Variants in AP5M1 observed in about 807,000 individuals in gnomAD.
The protein encoded by AP5M1 is adaptor related protein complex 5 subunit mu 1, also known as AP-5 complex subunit mu-1.
AP5M1 carries 44 observed loss-of-function variants against 52.3 expected under a neutral mutation model. The observed-to-expected ratio is 0.84, with a 90% CI of 0.66 to 1.08. The LOEUF (loss-of-function observed/expected upper bound fraction) is 1.08, where lower values mean the gene tolerates loss of function less well. AP5M1 is among the 50% of genes least tolerant of loss of function. AP5M1 has a pLI of 0.00. For synonymous variants in AP5M1, 213 were observed against 199.0 expected (o/e 1.07, Z -0.59); for missense variants, 526 against 568.4 (o/e 0.93, Z 0.76).
In AP5M1 at chr14:57,278,087, G is replaced by A. The variant is rs530414914; in HGVS notation, c.721-2108G>A. On this transcript the variant is annotated intron_variant, in intron 2 of 7. Coordinates refer to ENST00000261558, the MANE Select transcript of AP5M1 (RefSeq NM_018229.4). ...GTTTGATCCAGGCTTTAATAGAGGT[G>A]AATTTCAAGATAGAGGTACAAAGAC... 4.6e-5 allele frequency among the ~76,000 whole-genome samples: 7 copies of A among 152,184 alleles called. No individual in the cohort carries two copies. The South Asian group carries it at 1.5e-3, about 32-fold the overall frequency.
At chr14:57,275,573 A>G (rs1885014588) in intron 2 of AP5M1, 1 of 152,552 alleles carries the variant, frequency 6.6e-6, no homozygotes, top group Admixed American at 6.5e-5. Context: ...GAAGCAAGTC[A>G]CTAAGTGGTC....
Position 57,280,942 on chromosome 14 carries a change from CT to C in AP5M1, c.948+529del, listed in dbSNP as rs1010054740. 2.3e-3 allele frequency among the ~76,000 whole-genome samples: 347 copies of C among 150,474 alleles called. 3 individuals carry two copies. The highest frequency in any genetic ancestry group is 8.0e-3 in the African/African-American group (326 of 41,006). Reference sequence around the variant, plus strand: ...GTAAATAGCTTTCAAAATAATTGAACTTTTTTTTTAATATTCCCTAAAAAGG... The same window carrying C: ...GTAAATAGCTTTCAAAATAATTGAACTTTTTTTTAATATTCCCTAAAAAGG... On this transcript the variant is annotated intron_variant, in intron 3 of 7. Coordinates refer to ENST00000261558, the MANE Select transcript of AP5M1 (RefSeq NM_018229.4).
intron 7 of AP5M1, among the ~76,000 whole-genome samples, chr14:57,286,892 C>G (rs1885320605): frequency 1.3e-5 from 2 of 151,784 alleles, no homozygotes; most frequent in Admixed American, 1.3e-4. Flanking sequence ...TATTTAGCAC[C>G]TTCTCTATTC....
At position 57,280,391 on chromosome 14, in the gene AP5M1, A is replaced by G. The variant is rs1235781741; in HGVS notation, c.917A>G (p.Glu306Gly). 1.9e-6 allele frequency: 3 copies of G among 1,613,398 alleles called. No individual in the cohort carries two copies. The highest frequency in any genetic ancestry group is 2.5e-6 in the Non-Finnish European group (3 of 1,179,412). Residue 306 changes from glutamate (E) to glycine (G), a missense_variant, in exon 3 of 8, where the codon GAG becomes GGG. Glu to Gly is a moderately conservative substitution (Grantham distance 98). Coordinates refer to ENST00000261558, the MANE Select transcript of AP5M1 (RefSeq NM_018229.4). ...AAATTTCCATTCACTCCACCTTTAGAGTCATTCAACTTATGCTTCTACACT... is the reference window on the plus strand; with the variant it reads ...AAATTTCCATTCACTCCACCTTTAGGGTCATTCAACTTATGCTTCTACACT... ...PYKFPFTPPL[E>G]SFNLCFYTSQ...
chr14:57,281,412 A>G (rs1161600258), intron 3 of AP5M1, among the ~76,000 whole-genome samples: 1 of 152,242 alleles, frequency 6.6e-6, no homozygotes, highest in Non-Finnish European at 1.5e-5. Context: ...TGAGAATGCA[A>G]TAGGCAATCT....
At position 57,290,716 on chromosome 14, in the gene AP5M1, T is replaced by A. The variant is rs1479360019; in HGVS notation, c.*1832T>A. ...GATGCCATCTGTTGCCATTCCATTC[T>A]AACATAGTGCTACAGAACTGAACCA... On this transcript the variant is annotated 3_prime_UTR_variant, in exon 8 of 8. Coordinates refer to ENST00000261558, the MANE Select transcript of AP5M1 (RefSeq NM_018229.4). 1 of 151,960 alleles carries A rather than the reference T, an allele frequency of 6.6e-6. No individual in the cohort carries two copies. Among genetic ancestry groups the A allele is most frequent in the African/African-American group, 2.4e-5 (1 of 41,428 alleles). 9.4% of individuals were successfully genotyped at this position (151,960 alleles called of 1,614,324 possible). A position where few individuals can be genotyped will look rare whatever the true frequency, so the allele number is the denominator to read the frequency against.
chr14:57,275,319 C>A (rs1344626014), intron 2 of AP5M1: 1 of 216,108 alleles, frequency 4.6e-6, no homozygotes, highest in African/African-American at 2.4e-5. Flanking sequence ...TAGTTCCTTT[C>A]CACATGGACT....
chr14:57,291,173 T>G lies in AP5M1; in HGVS notation c.*2289T>G, dbSNP rs941205827. The G allele has an allele frequency of 2.0e-5, 3 of 152,002 alleles. No homozygotes were observed. Among genetic ancestry groups the G allele is most frequent in the Non-Finnish European group, 4.4e-5 (3 of 67,916 alleles). 9.4% of individuals were successfully genotyped at this position (152,002 alleles called of 1,614,324 possible). A position where few individuals can be genotyped will look rare whatever the true frequency, so the allele number is the denominator to read the frequency against. On this transcript the variant is annotated 3_prime_UTR_variant, in exon 8 of 8. Transcript: ENST00000261558. Reference sequence around the variant, plus strand: ...CACTATGGATTTTATTCATTTTCTTTGATAACTATTCTTTGCATTTTTTAA... The same window carrying G: ...CACTATGGATTTTATTCATTTTCTTGGATAACTATTCTTTGCATTTTTTAA...
Position 57,270,735 on chromosome 14 carries a change from C to A in AP5M1, c.74+1347C>A, listed in dbSNP as rs186261776. Among the ~76,000 whole-genome samples, 612 of 152,308 alleles carry A rather than the reference C, an allele frequency of 4.0e-3. 5 individuals are homozygous for A. The highest frequency in any genetic ancestry group is 0.014 in the African/African-American group (582 of 41,566). ...TGGTTACCTATTTCTAACTGCCGTT[C>A]CCTTCCCACTGACAGATAACTCTTA... On this transcript the variant is annotated intron_variant, in intron 1 of 7. Transcript: ENST00000261558.
chr14:57,282,408 C>T (rs1318833012), intron 4 of AP5M1, among the ~76,000 whole-genome samples, 180 bp downstream of exon 4: 1 of 152,004 alleles, frequency 6.6e-6, no homozygotes, highest in South Asian at 2.1e-4. Flanking sequence ...TTTAAATATG[C>T]CTTTATCTTT....
chr14:57,283,509 A>G (rs1885235265), intron 6 of AP5M1, among the ~76,000 whole-genome samples: 1 of 152,220 alleles, frequency 6.6e-6, no homozygotes. Flanking sequence ...GGATCGCTCA[A>G]GCCCAGGAGT....
chr14:57,273,345 A>T (rs1884940054), intron 1 of AP5M1, among the ~76,000 whole-genome samples: 1 of 152,178 alleles, frequency 6.6e-6, no homozygotes, highest in African/African-American at 2.4e-5. Flanking sequence ...CTGTTGGTAA[A>T]AACTGCTGAT....
intron 6 of AP5M1, 152 bp from the exon 7 acceptor site, chr14:57,286,071 G>A: frequency 1.7e-6 from 1 of 598,018 alleles, no homozygotes; most frequent in Non-Finnish European, 3.0e-6. Flanking sequence ...ATATATGTGT[G>A]CGCACACACA....
intron 2 of AP5M1, chr14:57,278,640 C>T (rs1190969704): frequency 6.6e-6 from 1 of 152,220 alleles, no homozygotes; most frequent in African/African-American, 2.4e-5. Flanking sequence ...GAATGTAAGG[C>T]TTCACACATA....
At chr14:57,270,220 A>G (rs1884853140) in intron 1 of AP5M1, among the ~76,000 whole-genome samples, 1 of 152,210 alleles carries the variant, frequency 6.6e-6, no homozygotes, top group Non-Finnish European at 1.5e-5. Context: ...TATTTCATAT[A>G]TTGTGTTAAG....
rs775983041 is a variant in AP5M1 at position 57,274,285 on chromosome 14, G to C, written c.116G>C (p.Gly39Ala). The C allele has an allele frequency of 6.2e-7, 1 of 1,613,986 alleles. No homozygotes were observed. The highest frequency in any genetic ancestry group is 1.1e-5 in the South Asian group (1 of 91,056). Residue 39 changes from glycine (G) to alanine (A), a missense_variant, in exon 2 of 8, where the codon GGA becomes GCA. By Grantham distance (60) the Gly-to-Ala change is moderately conservative. Transcript: ENST00000261558. Reference protein sequence around the residue: ...TVEKRARVFNGASYVPVPEDG... With the variant: ...TVEKRARVFNAASYVPVPEDG... ...GAAAAACGAGCCAGAGTCTTCAATGGAGCAAGTTATGTGCCTGTTCCTGAA... is the reference window on the plus strand; with the variant it reads ...GAAAAACGAGCCAGAGTCTTCAATGCAGCAAGTTATGTGCCTGTTCCTGAA...
In AP5M1 at chr14:57,269,184, A is replaced by T; in HGVS notation, c.-131A>T. On this transcript the variant is annotated 5_prime_UTR_variant, in exon 1 of 8. Coordinates refer to ENST00000261558, the MANE Select transcript of AP5M1 (RefSeq NM_018229.4). ...CCTAAAAAAGCTAACCTCTCTGCTG[A>T]GCGCGACCGGTATGCGGCGCAGGAT... is the stretch of plus-strand genomic sequence containing the variant. 1.2e-6 allele frequency: 1 copy of T among 839,138 alleles called. No individual in the cohort carries two copies. Among genetic ancestry groups the T allele is most frequent in the Non-Finnish European group, 1.9e-6 (1 of 522,380 alleles). 52.0% of individuals were successfully genotyped at this position (839,138 alleles called of 1,614,324 possible).
chr14:57,274,606 A>C lies in AP5M1; in HGVS notation c.437A>C (p.Gln146Pro), dbSNP rs775888060. 29 of 1,613,918 alleles carry C rather than the reference A, an allele frequency of 1.8e-5. No homozygotes were observed. The highest frequency in any genetic ancestry group is 2.4e-5 in the Non-Finnish European group (28 of 1,179,958). Reference sequence around the variant, plus strand: ...ATACAGGATTTTCTTTATTCAGGTCAAAAAAATGACTCTGAGCTGAATACA... The same window carrying C: ...ATACAGGATTTTCTTTATTCAGGTCCAAAAAATGACTCTGAGCTGAATACA... ...FGIQDFLYSG[Q>P]KNDSELNTKL... Residue 146 changes from glutamine (Q) to proline (P), a missense_variant, in exon 2 of 8, where the codon CAA becomes CCA. Around this residue, in one of 3 missense-constraint regions of AP5M1, gnomAD observed 425 missense variants for 430.6 expected, o/e 0.99. Coordinates refer to ENST00000261558, the MANE Select transcript of AP5M1 (RefSeq NM_018229.4).
At chr14:57,280,845 C>T (rs1470730894) in intron 3 of AP5M1, among the ~76,000 whole-genome samples, 3 of 146,098 alleles carry the variant, frequency 2.1e-5, no homozygotes, top group Non-Finnish European at 4.5e-5. Flanking sequence ...AGTGAGACTC[C>T]ATCTCAAAAA....
Sources: allele counts gnomAD v4.1 joint callset (sites outside exome capture counted in the v4.1 genomes callset), GRCh38; gene constraint gnomAD v4.1.1; regional missense constraint gnomAD v4.1.1; transcripts MANE v1.5; gene names NCBI Gene and HGNC (gene_info 2026-07-23, HGNC 2026-07-21).